Variants in DMBT1 observed in about 807,000 individuals in gnomAD.
The protein encoded by DMBT1 is deleted in malignant brain tumors 1, also known as scavenger receptor cysteine-rich domain-containing protein DMBT1.
A neutral mutation model predicts 252.9 loss-of-function variants in DMBT1; 198 were observed. The observed-to-expected ratio is 0.78, with a 90% CI of 0.70 to 0.88. DMBT1 has a LOEUF of 0.88. Ranked by LOEUF, DMBT1 falls within the 40% of genes least tolerant of loss-of-function variation. DMBT1 has a pLI of 0.00. For synonymous variants in DMBT1, 990 were observed against 942.7 expected (o/e 1.05, Z -0.92); for missense variants, 2,432 against 2,404.7 (o/e 1.01, Z -0.24).
intron 46 of DMBT1, among the ~76,000 whole-genome samples, chr10:122,628,296 A>G (rs773231575): frequency 6.6e-6 from 1 of 152,216 alleles, no homozygotes; most frequent in Non-Finnish European, 1.5e-5. Context: ...ATCGAGAAAC[A>G]AATATGATAT....
chr10:122,618,374 A>T (rs760227859), intron 41 of DMBT1, 34 bp downstream of exon 41: 5 of 1,613,460 alleles, frequency 3.1e-6, no homozygotes, highest in Admixed American at 3.3e-5. Context: ...CCCTCTCTTA[A>T]GTTGAAGTTT....
chr10:122,632,021 G>A (rs2098169159), intron 50 of DMBT1, 146 bp downstream of exon 50: 2 of 929,096 alleles, frequency 2.2e-6, no homozygotes, highest in Non-Finnish European at 3.4e-6. Context: ...TCCCCTGCCG[G>A]CCACCAGGAT....
At chr10:122,598,136 T>G (rs1473096340) in intron 25 of DMBT1, 124 bp downstream of exon 25, 1 of 1,440,426 alleles carries the variant, frequency 6.9e-7, no homozygotes, top group Non-Finnish European at 9.7e-7. Context: ...GTGGGTTGCA[T>G]GGGAGGAAGG....
At chr10:122,591,673 C>A (rs2133586080) in intron 19 of DMBT1, among the ~76,000 whole-genome samples, 156 bp downstream of exon 19, 1 of 148,382 alleles carries the variant, frequency 6.7e-6, no homozygotes, top group South Asian at 2.3e-4. Context: ...GGAACCAGTC[C>A]CGGGTCGGGT....
chr10:122,576,458 G>C lies in DMBT1; in HGVS notation c.343G>C (p.Val115Leu). 1 of 1,613,994 alleles carries C rather than the reference G, an allele frequency of 6.2e-7. No homozygotes were observed. The highest frequency in any genetic ancestry group is 8.5e-7 in the Non-Finnish European group (1 of 1,179,866). ...VNGDGRCQGR[V>L]EILYRGSWGT... ...TGGAGATGGCAGGTGTCAGGGCCGA[G>C]TGGAGATCCTATACCGAGGCTCCTG... Residue 115 changes from valine (V) to leucine (L), a missense_variant, in exon 7 of 56, where the codon GTG becomes CTG. Around this residue, in one of 3 missense-constraint regions of DMBT1, gnomAD observed 1,264 missense variants for 1,082.2 expected, o/e 1.17. Coordinates refer to ENST00000338354, the MANE Select transcript of DMBT1 (RefSeq NM_001377530.1).
intron 6 of DMBT1, among the ~76,000 whole-genome samples, chr10:122,574,420 C>T (rs1259533591): frequency 1.3e-5 from 2 of 152,180 alleles, no homozygotes; most frequent in Admixed American, 1.3e-4. Flanking sequence ...CTCACCAAGG[C>T]CTCTGCGCTG....
chr10:122,589,768 C>T (rs2097830691), intron 17 of DMBT1, among the ~76,000 whole-genome samples: 1 of 148,066 alleles, frequency 6.8e-6, no homozygotes, highest in Non-Finnish European at 1.5e-5. Flanking sequence ...GAAGGAAGGC[C>T]CAGGCTCTTT....
At chr10:122,588,900 C>T in intron 16 of DMBT1, 44 bp from the exon 17 acceptor site, 2 of 1,585,772 alleles carry the variant, frequency 1.3e-6, no homozygotes, top group Non-Finnish European at 1.7e-6. Context: ...AGATCCTTGA[C>T]CTGCTGATAG....
chr10:122,627,416 T>C (rs1056178868), intron 46 of DMBT1, among the ~76,000 whole-genome samples: 5 of 152,272 alleles, frequency 3.3e-5, no homozygotes, highest in African/African-American at 1.2e-4. Context: ...ATCATTTTCA[T>C]TTAAGTGTAT....
chr10:122,628,508 C>T (rs893373555), intron 46 of DMBT1, among the ~76,000 whole-genome samples: 11 of 151,966 alleles, frequency 7.2e-5, no homozygotes, highest in Admixed American at 1.3e-4. Flanking sequence ...TAGTGGTGGG[C>T]GGCTGTAATC....
chr10:122,597,519 G>C (rs3981001), intron 24 of DMBT1, among the ~76,000 whole-genome samples: 276 of 152,118 alleles, frequency 1.8e-3, no homozygotes, highest in African/African-American at 4.8e-3. Context: ...GATTCTGCAG[G>C]GCTACATGTG....
intron 40 of DMBT1, among the ~76,000 whole-genome samples, 194 bp from the exon 41 acceptor site, chr10:122,617,823 A>C (rs1297478233): frequency 2.6e-5 from 4 of 151,732 alleles, no homozygotes; most frequent in African/African-American, 9.7e-5. Flanking sequence ...CTGAGCCTCC[A>C]TAAACCCAGG....
chr10:122,635,956 G>A (rs756387301), intron 52 of DMBT1, 35 bp from the exon 53 acceptor site: 1 of 1,610,208 alleles, frequency 6.2e-7, no homozygotes, highest in Admixed American at 1.7e-5. Context: ...ATTCTGGGAG[G>A]AAATGAAGCC....
rs572489972 is a variant in DMBT1, at chr10:122,584,852, C to T, written c.1421-419C>T. ...ATCCAGAAGAGGCATAGGCCATGCT[C>T]GGGCAGGGAGAGGGATAATAAATAT... On this transcript the variant is annotated intron_variant, in intron 14 of 55. Coordinates refer to ENST00000338354, the MANE Select transcript of DMBT1 (RefSeq NM_001377530.1). Among the ~76,000 whole-genome samples the T allele has an allele frequency of 1.6e-4, 24 of 149,336 alleles. 1 individual carries two copies. The highest frequency in any genetic ancestry group is 5.3e-4 in the African/African-American group (22 of 41,324).
chr10:122,574,869 C>G (rs543797119), intron 6 of DMBT1, among the ~76,000 whole-genome samples: 26 of 152,300 alleles, frequency 1.7e-4, no homozygotes, highest in Admixed American at 1.4e-3. Context: ...TTGCTCTTAT[C>G]AGGAACTCTA....
chr10:122,602,185 T>TG, intron 29 of DMBT1, 65 bp downstream of exon 29: 5 of 657,626 alleles, frequency 7.6e-6, no homozygotes, highest in Non-Finnish European at 1.0e-5. Flanking sequence ...AAAATCCTAA[T>TG]TACATTATGA....
chr10:122,599,106 T>G lies in DMBT1; in HGVS notation c.3280+9T>G, dbSNP rs769606329. 1 of 1,613,842 alleles carries G rather than the reference T, an allele frequency of 6.2e-7. No homozygotes were observed. The highest frequency in any genetic ancestry group is 8.5e-7 in the Non-Finnish European group (1 of 1,179,762). On this transcript the variant is annotated intron_variant, in intron 26 of 55. Transcript: ENST00000338354. ...TGGTGTCATCTGCTCAGGTGGGCCT[T>G]CAAGAACTTGGGATCACTCTCTTGG...
In DMBT1 at chr10:122,637,322, G is replaced by A; in HGVS notation, c.6942+10G>A. On this transcript the variant is annotated intron_variant, in intron 54 of 55. Coordinates refer to ENST00000338354, the MANE Select transcript of DMBT1 (RefSeq NM_001377530.1). Reference sequence around the variant, plus strand: ...CGGCACCTTCAAGCAGGTAAGCCTGGGGCTTCCCATTCCATTTCCCAGTGC... The same window carrying A: ...CGGCACCTTCAAGCAGGTAAGCCTGAGGCTTCCCATTCCATTTCCCAGTGC... 1 of 1,589,652 alleles carries A rather than the reference G, an allele frequency of 6.3e-7. No homozygotes were observed.
chr10:122,568,694 A>G (rs1024671328), intron 2 of DMBT1, among the ~76,000 whole-genome samples: 1 of 152,172 alleles, frequency 6.6e-6, no homozygotes, highest in Non-Finnish European at 1.5e-5. Context: ...GACAGCTGGG[A>G]CGCCCAGGAT....
Sources: allele counts gnomAD v4.1 joint callset (sites outside exome capture counted in the v4.1 genomes callset), GRCh38; gene constraint gnomAD v4.1.1; regional missense constraint gnomAD v4.1.1; transcripts MANE v1.5; gene names NCBI Gene and HGNC (gene_info 2026-07-23, HGNC 2026-07-21).